KIF20B: variants seen among roughly 807,000 people sequenced by gnomAD.
KIF20B encodes kinesin-like protein KIF20B.
In KIF20B, 188 loss-of-function variants were observed where a neutral mutation model predicts 232.5. The observed-to-expected ratio is 0.81, with a 90% CI of 0.72 to 0.91. KIF20B has a LOEUF of 0.91. KIF20B is among the 40% of genes least tolerant of loss of function. KIF20B has a pLI of 0.00. For synonymous variants in KIF20B, 712 were observed against 683.0 expected (o/e 1.04, Z -0.66); for missense variants, 2,154 against 2,055.9 (o/e 1.05, Z -0.92).
rs775151933 is a variant in KIF20B at position 89,752,662 on chromosome 10, A to G, written c.4318A>G (p.Lys1440Glu). The change falls in exon 25 of 33, where the codon AAG becomes GAG. Residue 1440 changes from lysine to glutamate, a missense_variant. By Grantham distance (56) the Lys-to-Glu change is moderately conservative (BLOSUM62 1). Transcript: ENST00000371728. ...TGAGAACAACACAGATGTGCTTGGA[A>G]AGCTCACTAATCTTCAAGATGAGTT... ...EHENNTDVLG[K>E]LTNLQDELQE... The G allele has an allele frequency of 6.3e-7, 1 of 1,584,996 alleles. No homozygotes were observed. Among genetic ancestry groups the G allele is most frequent in the Non-Finnish European group, 8.6e-7 (1 of 1,167,038 alleles).
At chr10:89,758,557 A>G in intron 26 of KIF20B, 149 bp from the exon 27 acceptor site, 1 of 474,316 alleles carries the variant, frequency 2.1e-6, no homozygotes. Context: ...GTGTTGTTTT[A>G]TAGTTAAATA....
intron 29 of KIF20B, among the ~76,000 whole-genome samples, chr10:89,765,123 AG>A (rs1385205110): frequency 6.6e-6 from 1 of 151,876 alleles, no homozygotes; most frequent in Non-Finnish European, 1.5e-5. Context: ...ATGGCTAGCC[AG>A]TTTTCCCAGC....
chr10:89,717,723 G>A lies in KIF20B; in HGVS notation c.1271+1G>A. 1 of 1,581,304 alleles carries A rather than the reference G, an allele frequency of 6.3e-7. No homozygotes were observed. The highest frequency in any genetic ancestry group is 8.6e-7 in the Non-Finnish European group (1 of 1,165,080). On this transcript the variant is annotated splice_donor_variant, in intron 11 of 32. Transcript: ENST00000371728. LOFTEE classifies it high-confidence loss of function. ...TCTTGAAGAATAGTGAAAAGTCAAA[G>A]TAAGTGTTTCTGAAAGTGTTATTAG...
At chr10:89,752,749 TAAGAG>T in intron 25 of KIF20B, 58 bp downstream of exon 25, 1 of 1,259,954 alleles carries the variant, frequency 7.9e-7, no homozygotes, top group Non-Finnish European at 1.1e-6. Flanking sequence ...ATATTTCTAA[TAAGAG>T]GAGAATTCAG....
rs963748124 is a variant in KIF20B, at chr10:89,731,322, A to G, written c.2392-1581A>G. 2.6e-5 allele frequency among the ~76,000 whole-genome samples: 4 copies of G among 152,126 alleles called. No individual in the cohort carries two copies. In the East Asian group the frequency reaches 5.8e-4, roughly 22 times the overall value. On this transcript the variant is annotated intron_variant, in intron 18 of 32. Transcript: ENST00000371728. ...TAAGGAAGTGATAGTAAAAAAATCA[A>G]TATTTGTAAATTAGTTAGTCCTTGC...
chr10:89,757,458 G>A (rs1422753261), intron 26 of KIF20B, among the ~76,000 whole-genome samples: 5 of 151,752 alleles, frequency 3.3e-5, no homozygotes, highest in African/African-American at 1.2e-4. Context: ...CTTTTTATGA[G>A]TAGGAGTTCT....
intron 7 of KIF20B, among the ~76,000 whole-genome samples, 168 bp from the exon 8 acceptor site, chr10:89,714,787 T>C (rs562584389): frequency 5.3e-5 from 8 of 152,354 alleles, no homozygotes; most frequent in Admixed American, 5.2e-4. Flanking sequence ...CTTTGGTTAA[T>C]CCACATATTA....
At chr10:89,736,476 A>AT (rs1166448394) in intron 19 of KIF20B, among the ~76,000 whole-genome samples, 5 of 152,184 alleles carry the variant, frequency 3.3e-5, no homozygotes, top group Admixed American at 6.5e-5. Flanking sequence ...TCTGGGTATA[A>AT]TTTGATCTGT....
Position 89,725,111 on chromosome 10 carries a change from C to G in KIF20B, c.1954C>G (p.Arg652Gly). 1 of 1,613,542 alleles carries G rather than the reference C, an allele frequency of 6.2e-7. No homozygotes were observed. The highest frequency in any genetic ancestry group is 1.3e-5 in the African/African-American group (1 of 74,926). ...FKDLVGKCDT[R>G]EEAAKDICAT... ...GGATTTGGTTGGTAAATGTGACACT[C>G]GAGAAGAAGCAGCGAAAGACATTTG... The change falls in exon 15 of 33, where the codon CGA becomes GGA. Residue 652 changes from arginine to glycine, a missense_variant. Arg to Gly is a moderately radical substitution (Grantham distance 125). Coordinates refer to ENST00000371728, the MANE Select transcript of KIF20B (RefSeq NM_001284259.2).
chr10:89,765,277 C>T (rs1304029153), intron 29 of KIF20B, among the ~76,000 whole-genome samples: 1 of 152,096 alleles, frequency 6.6e-6, no homozygotes, highest in Non-Finnish European at 1.5e-5. Context: ...AGTGAACTCC[C>T]ATTCGCAATT....
chr10:89,741,041 A>G (rs1021583534), intron 21 of KIF20B, among the ~76,000 whole-genome samples: 17 of 152,336 alleles, frequency 1.1e-4, no homozygotes, highest in Admixed American at 3.9e-4. Flanking sequence ...ACATTGTAAT[A>G]TATAATGAAG....
chr10:89,709,588 G>C (rs1238626895), intron 4 of KIF20B, 127 bp downstream of exon 4: 2 of 619,552 alleles, frequency 3.2e-6, no homozygotes, highest in East Asian at 5.4e-5. Flanking sequence ...TTAAGGATAA[G>C]ACTCAAATCT....
Position 89,727,885 on chromosome 10 carries a change from A to G in KIF20B, c.2260A>G (p.Thr754Ala), listed in dbSNP as rs749892495. ...ESDSLIQELE[T>A]SNKKIITQNQ... ...AGATTCATTGATTCAAGAGCTTGAG[A>G]CATCTAATAAGGTAATGCTTTAAGT... is the stretch of plus-strand genomic sequence containing the variant. The change falls in exon 17 of 33, where the codon ACA (threonine) becomes GCA (alanine). Residue 754 changes from threonine (T) to alanine (A), a missense_variant. Coordinates refer to ENST00000371728, the MANE Select transcript of KIF20B (RefSeq NM_001284259.2). 6.4e-7 allele frequency: 1 copy of G among 1,559,732 alleles called. No individual in the cohort carries two copies.
intron 1 of KIF20B, among the ~76,000 whole-genome samples, chr10:89,702,890 A>G (rs1029329456): frequency 2.0e-5 from 3 of 152,176 alleles, no homozygotes; most frequent in Non-Finnish European, 4.4e-5. Context: ...TCTTGCCATC[A>G]AGAAGTTTCC....
intron 7 of KIF20B, 48 bp downstream of exon 7, chr10:89,714,131 T>TA: frequency 2.9e-6 from 3 of 1,042,342 alleles, no homozygotes; most frequent in Non-Finnish European, 4.1e-6. Context: ...TTATATGAAG[T>TA]ACACTTGAAA....
At chr10:89,713,470 T>C (rs1842875045) in intron 6 of KIF20B, among the ~76,000 whole-genome samples, 1 of 152,152 alleles carries the variant, frequency 6.6e-6, no homozygotes, top group South Asian at 2.1e-4. Flanking sequence ...CTTTCATATA[T>C]TGTAAATGGT....
At chr10:89,735,639 G>GC (rs1336522795) in intron 19 of KIF20B, among the ~76,000 whole-genome samples, 1 of 146,870 alleles carries the variant, frequency 6.8e-6, no homozygotes, top group African/African-American at 2.5e-5. Context: ...CTGGGTTCAA[G>GC]CCATTCTCCT....
At chr10:89,718,652 C>T (rs1009975499) in intron 11 of KIF20B, 58 bp from the exon 12 acceptor site, 8 of 1,324,092 alleles carry the variant, frequency 6.0e-6, no homozygotes, top group Non-Finnish European at 8.5e-6. Context: ...TGTCTCAGCA[C>T]CCTGATTTCA....
At chr10:89,712,370 C>G (rs946461749) in intron 6 of KIF20B, among the ~76,000 whole-genome samples, 1 of 151,926 alleles carries the variant, frequency 6.6e-6, no homozygotes, top group African/African-American at 2.4e-5. Context: ...TCTCCTGCCT[C>G]GACCTCCTCT....
Sources: allele counts gnomAD v4.1 joint callset (sites outside exome capture counted in the v4.1 genomes callset), GRCh38; gene constraint gnomAD v4.1.1; transcripts MANE v1.5; gene names NCBI Gene and HGNC (gene_info 2026-07-23, HGNC 2026-07-21).